BAZ2B: variants seen among roughly 807,000 people sequenced by gnomAD.
The protein encoded by BAZ2B is bromodomain adjacent to zinc finger domain 2B.
In BAZ2B, 91 loss-of-function variants were observed where a neutral mutation model predicts 246.0. The observed-to-expected ratio is 0.37, with a 90% CI of 0.31 to 0.44. BAZ2B has a LOEUF of 0.44. Ranked by LOEUF, BAZ2B falls within the 20% of genes least tolerant of loss-of-function variation. BAZ2B has a pLI of 1.00. For missense variants in BAZ2B, 2,332 were observed against 2,533.7 expected, an observed-to-expected ratio of 0.92 and a Z score of 1.71; for synonymous variants, 855 against 860.0, an observed-to-expected ratio of 0.99 and a Z score of 0.10.
At chr2:159,568,593 A>G (rs1156309140) in intron 1 of BAZ2B, among the ~76,000 whole-genome samples, 2 of 152,134 alleles carry the variant, frequency 1.3e-5, no homozygotes, top group African/African-American at 4.8e-5. Flanking sequence ...GAACTTTAAA[A>G]GTAATACTAG....
rs1427881593 is a variant in BAZ2B at position 159,372,916 on chromosome 2, A to T, written c.4213+129T>A. ...AAGGGGCATTATGAGTGCAAAAGGA[A>T]TGAGAATTAAGGTTTTACATGTTTA... On this transcript the variant is annotated intron_variant, in intron 27 of 36. Transcript: ENST00000392783. 3 of 1,093,262 alleles carry T rather than the reference A, an allele frequency of 2.7e-6. No individual in the cohort carries two copies. The African/African-American group carries it at 4.8e-5, about 18-fold the overall frequency. The allele number at this position is 1,093,262 out of a possible 1,614,324, so 67.7% of individuals were successfully genotyped here.
At chr2:159,563,479 C>T (rs1049095121) in intron 1 of BAZ2B, among the ~76,000 whole-genome samples, 1 of 152,120 alleles carries the variant, frequency 6.6e-6, no homozygotes, top group East Asian at 1.9e-4. Flanking sequence ...ATTTATAGTA[C>T]TTGGTGAAAA....
At chr2:159,521,158 A>G (rs2084084218) in intron 2 of BAZ2B, among the ~76,000 whole-genome samples, 1 of 152,122 alleles carries the variant, frequency 6.6e-6, no homozygotes, top group Non-Finnish European at 1.5e-5. Context: ...GAAGTATCTC[A>G]TATTATCAAC....
At chr2:159,627,897 C>A in the BAZ2B span, among the ~76,000 whole-genome samples, 2 of 152,186 alleles carry the variant, frequency 1.3e-5, no homozygotes, top group Admixed American at 6.5e-5. Flanking sequence ...TTGCAGATGA[C>A]ATGATTGTGT....
the BAZ2B span, among the ~76,000 whole-genome samples, chr2:159,654,059 G>C: frequency 1.3e-5 from 2 of 152,166 alleles, no homozygotes; most frequent in African/African-American, 4.8e-5. Flanking sequence ...AATTTTTCCT[G>C]TTATAATAGT....
intron 4 of BAZ2B, 75 bp from the exon 5 acceptor site, chr2:159,448,484 G>C: frequency 6.8e-7 from 1 of 1,463,308 alleles, no homozygotes; most frequent in Non-Finnish European, 9.0e-7. Context: ...GGCTTTCTAT[G>C]TTTTATTTAA....
In BAZ2B at chr2:159,599,872, T is replaced by C. The variant is rs1449536777; in HGVS notation, c.-46+16370A>G. Among the ~76,000 whole-genome samples the C allele has an allele frequency of 5.6e-5, 8 of 142,418 alleles. No homozygotes were observed. The East Asian group carries it at 1.3e-3, about 22-fold the overall frequency. The allele number at this position is 142,418 out of a possible 152,430, so 93.4% of individuals were successfully genotyped here. A position where few individuals can be genotyped will look rare whatever the true frequency, so the allele number is the denominator to read the frequency against. ...AATGGCGTGAACCCGTGAGGTGGAG[T>C]TTGCAGTGAGCTCAGATCGCGCCAC... On this transcript the variant is annotated intron_variant, in intron 1 of 36. Coordinates refer to ENST00000392783, the MANE Select transcript of BAZ2B (RefSeq NM_013450.4).
At chr2:159,550,596 A>T (rs1305171616) in intron 2 of BAZ2B, among the ~76,000 whole-genome samples, 1 of 152,056 alleles carries the variant, frequency 6.6e-6, no homozygotes, top group Non-Finnish European at 1.5e-5. Flanking sequence ...AAATTAGAAG[A>T]GGGGGAAAAC....
At chr2:159,547,430 A>G (rs2087527876) in intron 2 of BAZ2B, among the ~76,000 whole-genome samples, 2 of 152,138 alleles carry the variant, frequency 1.3e-5, no homozygotes, top group Admixed American at 1.3e-4. Context: ...GTGTATATTT[A>G]TATAAAAAGA....
chr2:159,360,974 G>A lies in BAZ2B; in HGVS notation c.4214-10617C>T, dbSNP rs554991282. Among the ~76,000 whole-genome samples the A allele has an allele frequency of 6.0e-4, 92 of 152,248 alleles. 2 individuals are homozygous for A. The South Asian group carries it at 0.017, about 28-fold the overall frequency. ...CTCAAGATGGATTGAAGACTTAAAC[G>A]TCAGACCTAAAACCATAAAAACCCT... On this transcript the variant is annotated intron_variant, in intron 27 of 36. Transcript: ENST00000392783.
At chr2:159,696,562 T>G in the BAZ2B span, among the ~76,000 whole-genome samples, 1 of 152,162 alleles carries the variant, frequency 6.6e-6, no homozygotes, top group African/African-American at 2.4e-5. Context: ...AGCAAATTCT[T>G]CTGGAAATGT....
the BAZ2B span, among the ~76,000 whole-genome samples, chr2:159,674,347 A>AAAG: frequency 8.5e-4 from 128 of 151,360 alleles, 1 homozygote; most frequent in Non-Finnish European, 5.0e-4. Context: ...AAAAAAAAAA[A>AAAG]AAAGAAAGAA....
At chr2:159,355,485 T>C (rs1438626318) in intron 27 of BAZ2B, among the ~76,000 whole-genome samples, 3 of 152,214 alleles carry the variant, frequency 2.0e-5, no homozygotes, top group Non-Finnish European at 4.4e-5. Flanking sequence ...TTACCCTTAA[T>C]GAAAGATTCT....
chr2:159,558,359 C>T (rs1374204747), intron 1 of BAZ2B, among the ~76,000 whole-genome samples: 1 of 152,146 alleles, frequency 6.6e-6, no homozygotes, highest in Admixed American at 6.5e-5. Context: ...CAGGTTCAAG[C>T]AATTCTCCCG....
At chr2:159,509,026 A>G (rs965345345) in intron 2 of BAZ2B, among the ~76,000 whole-genome samples, 2 of 152,188 alleles carry the variant, frequency 1.3e-5, no homozygotes, top group African/African-American at 2.4e-5. Context: ...TGATCTATGA[A>G]AAGATAGGTA....
chr2:159,446,809 A>G lies in BAZ2B; in HGVS notation c.669T>C (p.Asp223=), dbSNP rs752927056. ...TATCTTTGATTTTGTCAACTCTAGC[A>G]TCCAAAGGCTGGTTTTTGCTTTGTT... is the stretch of plus-strand genomic sequence containing the variant. ...NQEQSKNQPL[D]ARVDKIKDKK... The change falls in exon 6 of 37, where the codon GAT becomes GAC. Residue 223 remains aspartate (D), a synonymous_variant. Coordinates refer to ENST00000392783, the MANE Select transcript of BAZ2B (RefSeq NM_013450.4). 6.2e-7 allele frequency: 1 copy of G among 1,611,246 alleles called. No individual in the cohort carries two copies. The highest frequency in any genetic ancestry group is 1.1e-5 in the South Asian group (1 of 90,574).
At chr2:159,487,730 G>A (rs1219773186) in intron 2 of BAZ2B, among the ~76,000 whole-genome samples, 5 of 150,440 alleles carry the variant, frequency 3.3e-5, no homozygotes, top group African/African-American at 1.2e-4. Context: ...ACAACCAGAA[G>A]AAAGAACTTC....
intron 2 of BAZ2B, among the ~76,000 whole-genome samples, chr2:159,494,539 A>G (rs757705464): frequency 1.4e-4 from 22 of 152,172 alleles, no homozygotes; most frequent in Non-Finnish European, 2.6e-4. Flanking sequence ...TCTGTACACA[A>G]TTCACTGATG....
At chr2:159,488,684 AAC>A (rs1311247975) in intron 2 of BAZ2B, among the ~76,000 whole-genome samples, 1 of 152,192 alleles carries the variant, frequency 6.6e-6, no homozygotes, top group Non-Finnish European at 1.5e-5. Context: ...ACAAAAATGA[AAC>A]ACACCCATTT....
Sources: allele counts gnomAD v4.1 joint callset (sites outside exome capture counted in the v4.1 genomes callset), GRCh38; gene constraint gnomAD v4.1.1; transcripts MANE v1.5; gene names NCBI Gene and HGNC (gene_info 2026-07-23, HGNC 2026-07-21).